Variants in DSCAM observed in about 807,000 individuals in gnomAD.
DSCAM encodes the protein cell adhesion molecule DSCAM.
Under a neutral mutation model 217.7 loss-of-function variants are expected in DSCAM, and 47 were observed. That is an observed-to-expected ratio of 0.22 (90% CI 0.17 to 0.28). The LOEUF is 0.28. Among genes scored for constraint, DSCAM ranks in the 10% least tolerant of loss-of-function variants. The pLI is 1.00. For missense variants in DSCAM, 2,080 were observed against 2,618.3 expected, an observed-to-expected ratio of 0.79 and a Z score of 4.49; for synonymous variants, 1,056 against 1,015.3, an observed-to-expected ratio of 1.04 and a Z score of -0.76.
At chr21:40,483,598 G>C (rs1472888318) in intron 3 of DSCAM, among the ~76,000 whole-genome samples, 1 of 152,020 alleles carries the variant, frequency 6.6e-6, no homozygotes, top group East Asian at 1.9e-4. Context: ...GTATAACGGA[G>C]GCATGTTATA....
chr21:40,107,651 T>C (rs1285934365), intron 20 of DSCAM, among the ~76,000 whole-genome samples: 1 of 152,136 alleles, frequency 6.6e-6, no homozygotes, highest in Non-Finnish European at 1.5e-5. Context: ...TCTTTGATGG[T>C]CTCTAAGAAC....
chr21:40,843,905 G>A (rs915926077), intron 1 of DSCAM, among the ~76,000 whole-genome samples: 23 of 145,560 alleles, frequency 1.6e-4, no homozygotes, highest in South Asian at 8.6e-4. Flanking sequence ...GTTGTCTACT[G>A]TTAAAATGCA....
At chr21:40,380,721 C>T (rs142024564) in intron 3 of DSCAM, among the ~76,000 whole-genome samples, 169 of 152,158 alleles carry the variant, frequency 1.1e-3, no homozygotes, top group African/African-American at 3.5e-3. Context: ...ATGTTTGAGG[C>T]GGGAAAAACT....
chr21:40,186,570 T>C (rs1474662524), intron 14 of DSCAM, among the ~76,000 whole-genome samples: 2 of 152,200 alleles, frequency 1.3e-5, no homozygotes, highest in Admixed American at 6.5e-5. Context: ...GTTTTATTTA[T>C]GGGCTCTGGG....
At chr21:40,218,385 G>T (rs984156243) in intron 11 of DSCAM, among the ~76,000 whole-genome samples, 2 of 152,092 alleles carry the variant, frequency 1.3e-5, no homozygotes, top group Non-Finnish European at 2.9e-5. Flanking sequence ...ATGGTATTTT[G>T]GTTGCTGTAA....
chr21:40,266,949 C>T (rs1185648967), intron 11 of DSCAM, among the ~76,000 whole-genome samples: 1 of 145,938 alleles, frequency 6.9e-6, no homozygotes, highest in Non-Finnish European at 1.5e-5. Context: ...AATGCATGTT[C>T]TCATTTATAA....
chr21:40,052,427 T>C (rs1221591363), intron 29 of DSCAM, among the ~76,000 whole-genome samples: 2 of 152,192 alleles, frequency 1.3e-5, no homozygotes, highest in South Asian at 2.1e-4. Context: ...TCTGGATTTA[T>C]GTGTTTGTCA....
intron 3 of DSCAM, among the ~76,000 whole-genome samples, chr21:40,562,244 A>G (rs1040462578): frequency 2.6e-5 from 4 of 152,172 alleles, no homozygotes; most frequent in African/African-American, 9.7e-5. Context: ...TTCTCATGAT[A>G]GTGAGTGAAT....
At chr21:40,055,889 C>T (rs749714856) in intron 28 of DSCAM, 49 bp from the exon 29 acceptor site, 10 of 1,424,174 alleles carry the variant, frequency 7.0e-6, no homozygotes, top group East Asian at 2.3e-5. Context: ...TCAGTGTTAA[C>T]ATTCTACCAA....
intron 3 of DSCAM, among the ~76,000 whole-genome samples, chr21:40,451,715 C>G (rs62225468): frequency 6.6e-6 from 1 of 152,022 alleles, no homozygotes; most frequent in Admixed American, 6.6e-5. Context: ...CACTAGGGTT[C>G]GAATTTCAGG....
Position 40,183,076 on chromosome 21 carries a change from CTACCAGAGAAACCGTGGACGGGGGGGGT to C in DSCAM, c.2780-4010_2780-3983del, listed in dbSNP as rs1254210259. The stretch of plus-strand genomic sequence containing the variant: ...CAGAGAAACCGTGGACAGGAGGGGG[CTACCAGAGAAACCGTGGACGGGGGGGGT>C]TACCAGAGAAACCGTGGACAGGAGA... On this transcript the variant is annotated intron_variant, in intron 14 of 32. Transcript: ENST00000400454. Among the ~76,000 whole-genome samples the C allele has an allele frequency of 2.0e-3, 23 of 11,330 alleles. 5 individuals carry two copies. The highest frequency in any genetic ancestry group is 6.9e-3 in the East Asian group (3 of 432). The allele number at this position is 11,330 out of a possible 152,430, so 7.4% of individuals were successfully genotyped here.
At chr21:40,136,308 T>C (rs2090208451) in intron 18 of DSCAM, among the ~76,000 whole-genome samples, 2 of 152,186 alleles carry the variant, frequency 1.3e-5, no homozygotes, top group Non-Finnish European at 2.9e-5. Context: ...ATAAGTCTTT[T>C]GGATTAGGAT....
At chr21:40,085,529 G>C in intron 23 of DSCAM, 73 bp downstream of exon 23, 1 of 1,294,430 alleles carries the variant, frequency 7.7e-7, no homozygotes. Flanking sequence ...TTTAAAATTT[G>C]TTCAGTGCTA....
chr21:40,226,260 T>A (rs2146913657), intron 11 of DSCAM, among the ~76,000 whole-genome samples: 1 of 152,292 alleles, frequency 6.6e-6, no homozygotes, highest in African/African-American at 2.4e-5. Flanking sequence ...CACAGAAAGT[T>A]TGGTGACAAT....
At chr21:40,258,741 C>A (rs2073407938) in intron 11 of DSCAM, among the ~76,000 whole-genome samples, 2 of 152,244 alleles carry the variant, frequency 1.3e-5, no homozygotes, top group African/African-American at 4.8e-5. Context: ...GGTGTTTCTA[C>A]CTTTCTCAGC....
At chr21:40,761,151 C>T (rs1569023506) in intron 1 of DSCAM, among the ~76,000 whole-genome samples, 2 of 152,176 alleles carry the variant, frequency 1.3e-5, no homozygotes, top group Non-Finnish European at 2.9e-5. Context: ...ATGATCCTTC[C>T]AAGTAGTGGA....
chr21:40,142,179 C>T (rs771390179), intron 18 of DSCAM, among the ~76,000 whole-genome samples: 4 of 152,120 alleles, frequency 2.6e-5, no homozygotes, highest in Non-Finnish European at 4.4e-5. Context: ...AACGTTTCCC[C>T]GCGGAGTTCT....
At position 40,723,433 on chromosome 21, in the gene DSCAM, G is replaced by A. The variant is rs552350478; in HGVS notation, c.44-14662C>T. Among the ~76,000 whole-genome samples, 63 of 152,178 alleles carry A rather than the reference G, an allele frequency of 4.1e-4. 1 individual carries two copies. The South Asian group carries it at 8.5e-3, about 21-fold the overall frequency. On this transcript the variant is annotated intron_variant, in intron 1 of 32. Coordinates refer to ENST00000400454, the MANE Select transcript of DSCAM (RefSeq NM_001389.5). ...TCTTCTACCTTTCATACTAGACACC[G>A]TGTCCTACCTTTCAGCTTCTTGCAT... is the stretch of plus-strand genomic sequence containing the variant.
intron 7 of DSCAM, among the ~76,000 whole-genome samples, chr21:40,338,769 G>T (rs11909432): frequency 0.035 from 5,258 of 152,256 alleles, 108 homozygotes; most frequent in African/African-American, 0.046. Flanking sequence ...GTTACATCAC[G>T]TTGCAGCATG....
Sources: gnomAD v4.1 joint callset for allele counts (sites outside exome capture counted in the v4.1 genomes callset) on GRCh38, gnomAD v4.1.1 for gene constraint, MANE v1.5 for transcripts, NCBI Gene and HGNC (gene_info 2026-07-23, HGNC 2026-07-21) for gene names.